ABCA6: variants seen among roughly 807,000 people sequenced by gnomAD.
ABCA6 encodes the protein ATP-binding cassette sub-family A member 6.
ABCA6 carries 164 observed loss-of-function variants against 191.2 expected under a neutral mutation model. That is an observed-to-expected ratio of 0.86 (90% CI 0.76 to 0.98). ABCA6 has a LOEUF of 0.98. Ranked by LOEUF, ABCA6 falls within the 50% of genes least tolerant of loss-of-function variation. ABCA6 has a pLI of 0.00. For missense variants in ABCA6, 1,958 were observed against 1,894.1 expected (o/e 1.03, Z -0.63); for synonymous variants, 636 against 647.7 (o/e 0.98, Z 0.27).
At chr17:69,104,710 C>T (rs1159697518) in intron 20 of ABCA6, 4 of 149,476 alleles carry the variant, frequency 2.7e-5, no homozygotes, top group African/African-American at 9.8e-5. Flanking sequence ...TGGCTCACAC[C>T]TATAATCCCA....
rs757010757 is a variant in ABCA6 at position 69,134,710 on chromosome 17, A to C, written c.493T>G (p.Cys165Gly). The C allele has an allele frequency of 1.2e-6, 2 of 1,613,774 alleles. No homozygotes were observed. The highest frequency in any genetic ancestry group is 1.1e-5 in the South Asian group (1 of 91,056). Residue 165 changes from cysteine (C) to glycine (G), a missense_variant, in exon 5 of 39, where the codon TGT becomes GGT. Physicochemically the swap from Cys to Gly is radical, Grantham distance 159. Coordinates refer to ENST00000284425, the MANE Select transcript of ABCA6 (RefSeq NM_080284.3). Reference sequence around the variant, plus strand: ...CTATTCCAGTATTTGGTCAATGTACATGAAAACTCACCATATCCATCCCAG... The same window carrying C: ...CTATTCCAGTATTTGGTCAATGTACCTGAAAACTCACCATATCCATCCCAG... ...HCWDGYGEFSCTLTKYWNRGF... is the reference protein window; with the variant it reads ...HCWDGYGEFSGTLTKYWNRGF...
chr17:69,132,879 T>G (rs924598756), intron 6 of ABCA6, among the ~76,000 whole-genome samples: 58 of 152,072 alleles, frequency 3.8e-4, no homozygotes, highest in East Asian at 1.2e-3. Flanking sequence ...CATGAGTGTG[T>G]GTGTACATAT....
At chr17:69,100,319 A>C (rs554450210) in intron 22 of ABCA6, among the ~76,000 whole-genome samples, 2 of 142,216 alleles carry the variant, frequency 1.4e-5, no homozygotes, top group East Asian at 4.3e-4. Flanking sequence ...AGGCTCCCTC[A>C]CAACATAGAG....
At chr17:69,133,468 A>G (rs1010033939) in intron 6 of ABCA6, among the ~76,000 whole-genome samples, 173 bp downstream of exon 6, 2 of 152,244 alleles carry the variant, frequency 1.3e-5, no homozygotes, top group Non-Finnish European at 2.9e-5. Context: ...TCAGCACATT[A>G]TAAGCACTAT....
At chr17:69,118,945 C>A (rs1241149656) in intron 10 of ABCA6, among the ~76,000 whole-genome samples, 7 of 152,202 alleles carry the variant, frequency 4.6e-5, no homozygotes, top group Admixed American at 3.9e-4. Flanking sequence ...CACACACACA[C>A]ACACACAGAC....
intron 8 of ABCA6, 146 bp downstream of exon 8, chr17:69,128,473 C>G (rs1350732121): frequency 2.7e-5 from 13 of 483,300 alleles, no homozygotes; most frequent in Non-Finnish European, 3.9e-5. Context: ...TTTTTTTTTA[C>G]AATGTAATAA....
intron 34 of ABCA6, 96 bp downstream of exon 34, chr17:69,084,165 A>G: frequency 9.6e-7 from 1 of 1,038,304 alleles, no homozygotes; most frequent in Non-Finnish European, 1.4e-6. Flanking sequence ...TGAATCAGGA[A>G]CTAGTGGGTT....
chr17:69,097,792 T>C (rs568601758), intron 23 of ABCA6, 128 bp downstream of exon 23: 2 of 635,794 alleles, frequency 3.1e-6, no homozygotes, highest in African/African-American at 3.8e-5. Context: ...GAATAAGGTT[T>C]AGCTACAATA....
In ABCA6 at chr17:69,112,188, G is replaced by A. The variant is rs769677231; in HGVS notation, c.2127C>T (p.His709=). The A allele has an allele frequency of 6.2e-7, 1 of 1,608,616 alleles. No individual in the cohort carries two copies. Among genetic ancestry groups the A allele is most frequent in the Non-Finnish European group, 8.5e-7 (1 of 1,175,842 alleles). Residue 709 remains histidine, a synonymous_variant, in exon 16 of 39, where the codon CAC becomes CAT. Coordinates refer to ENST00000284425, the MANE Select transcript of ABCA6 (RefSeq NM_080284.3). ...FLKRRWGLGY[H]LSLHRNEICN... ...TCTATTCCCAAAGTCTTTACCTTAG[G>A]TGATATCCAAGACCCCACCTTCTTT...
In ABCA6 at chr17:69,091,147, T is replaced by A; in HGVS notation, c.3524A>T (p.Glu1175Val). ...ACAGTTGGTAACATTTCTTACCACT[T>A]CCAAAAAAGTTTTAAATCCAAGCAA... is the stretch of plus-strand genomic sequence containing the variant. ...YTLLGFKTFL[E>V]VRDQEHYREF... Residue 1175 changes from glutamate (E) to valine (V), a missense_variant, in exon 26 of 39, where the codon GAA becomes GTA. By Grantham distance (121) the Glu-to-Val change is moderately radical. Transcript: ENST00000284425. 6.2e-7 allele frequency: 1 copy of A among 1,607,064 alleles called. No homozygotes were observed. The highest frequency in any genetic ancestry group is 8.5e-7 in the Non-Finnish European group (1 of 1,177,884).
chr17:69,135,695 T>C (rs1209849506), intron 4 of ABCA6: 2 of 298,342 alleles, frequency 6.7e-6, no homozygotes, highest in East Asian at 1.1e-4. Flanking sequence ...TAAACATCAT[T>C]TCCCCAGGTA....
chr17:69,084,627 A>G, intron 32 of ABCA6, 120 bp from the exon 33 acceptor site: 2 of 912,344 alleles, frequency 2.2e-6, no homozygotes, highest in South Asian at 3.7e-5. Context: ...ATCCTAACTC[A>G]TAATTTTAAA....
intron 9 of ABCA6, among the ~76,000 whole-genome samples, chr17:69,124,254 T>C (rs1483542749): frequency 2.0e-5 from 3 of 151,806 alleles, no homozygotes; most frequent in African/African-American, 4.8e-5. Context: ...AGTAAATACA[T>C]AGAAAACCTA....
intron 3 of ABCA6, 118 bp from the exon 4 acceptor site, chr17:69,136,368 C>T: frequency 1.1e-6 from 1 of 876,316 alleles, no homozygotes; most frequent in Non-Finnish European, 1.6e-6. Context: ...AATCATTTTC[C>T]ATTTAAATCA....
At position 69,129,656 on chromosome 17, in the gene ABCA6, C is replaced by A. The variant is rs199889249; in HGVS notation, c.887G>T (p.Gly296Val). Reference sequence around the variant, plus strand: ...AAAGAGTATAAATATGACCATGAAGCCAGTCATGACTATAATTTGGGTGAA... The same window carrying A: ...AAAGAGTATAAATATGACCATGAAGACAGTCATGACTATAATTTGGGTGAA... ...ITFTQIIVMT[G>V]FMVIFILFFL... Residue 296 changes from glycine to valine, a missense_variant, in exon 7 of 39, where the codon GGC (glycine) becomes GTC (valine). Coordinates refer to ENST00000284425, the MANE Select transcript of ABCA6 (RefSeq NM_080284.3). 4.5e-4 allele frequency: 716 copies of A among 1,603,328 alleles called. No homozygotes were observed. The highest frequency in any genetic ancestry group is 5.8e-4 in the Non-Finnish European group (676 of 1,172,342).
intron 8 of ABCA6, among the ~76,000 whole-genome samples, chr17:69,125,809 C>A (rs1278013835): frequency 2.6e-5 from 4 of 152,004 alleles, no homozygotes. Context: ...TGTAATTCAA[C>A]ATCAAACATT....
rs182136783 is a variant in ABCA6 at position 69,099,246 on chromosome 17, G to A, written c.3013-1219C>T. Among the ~76,000 whole-genome samples, 279 of 152,288 alleles carry A rather than the reference G, an allele frequency of 1.8e-3. 2 individuals carry two copies. Among genetic ancestry groups the A allele is most frequent in the African/African-American group, 6.3e-3 (262 of 41,556 alleles). On this transcript the variant is annotated intron_variant, in intron 22 of 38. Transcript: ENST00000284425. ...GGATATAATTACAGGATAACAGCAT[G>A]AGCCTGTCTCAAAATAATTCCACAA...
intron 8 of ABCA6, 34 bp downstream of exon 8, chr17:69,128,585 A>G (rs2144704508): frequency 6.5e-7 from 1 of 1,547,964 alleles, no homozygotes; most frequent in South Asian, 1.2e-5. Flanking sequence ...TTCTTTTGAA[A>G]TTTCAGTAAT....
chr17:69,107,927 TG>T, intron 17 of ABCA6, 115 bp from the exon 18 acceptor site: 1 of 705,068 alleles, frequency 1.4e-6, no homozygotes. Flanking sequence ...ATTATGTCCT[TG>T]GAGTATCACA....
Sources: allele counts gnomAD v4.1 joint callset (sites outside exome capture counted in the v4.1 genomes callset), GRCh38; gene constraint gnomAD v4.1.1; transcripts MANE v1.5; gene names NCBI Gene and HGNC (gene_info 2026-07-23, HGNC 2026-07-21).